BANF2: variants seen among roughly 807,000 people sequenced by gnomAD.
The protein encoded by BANF2 is barrier-to-autointegration factor-like protein.
BANF2 carries 4 observed loss-of-function variants against 8.0 expected under a neutral mutation model. That is an observed-to-expected ratio of 0.50 (90% CI 0.25 to 1.14). BANF2 has a LOEUF of 1.14. Ranked by LOEUF, BANF2 falls within the 50% of genes most tolerant of loss-of-function variation. The pLI is 0.16. For missense variants in BANF2, 96 were observed against 107.5 expected, an observed-to-expected ratio of 0.89 and a Z score of 0.47; for synonymous variants, 50 against 40.6, an observed-to-expected ratio of 1.23 and a Z score of -0.88.
chr20:17,710,744 G>T (rs116546144), intron 1 of BANF2, among the ~76,000 whole-genome samples: 1 of 152,158 alleles, frequency 6.6e-6, no homozygotes, highest in Non-Finnish European at 1.5e-5. Context: ...CTTTAGCTTC[G>T]AGCCTCGTCA....
chr20:17,711,992 T>C (rs1323688397), intron 1 of BANF2, among the ~76,000 whole-genome samples: 2 of 152,210 alleles, frequency 1.3e-5, no homozygotes, highest in African/African-American at 4.8e-5. Context: ...GAGTGATGGC[T>C]GCCAGGTGGG....
At chr20:17,695,584 C>T (rs1014322359), upstream of BANF2, among the ~76,000 whole-genome samples, 7 of 149,648 alleles carry the variant, frequency 4.7e-5, no homozygotes, top group Non-Finnish European at 7.4e-5. Flanking sequence ...CCAGTTTCTT[C>T]CCCTAGAAAA....
intron 3 of BANF2, among the ~76,000 whole-genome samples, chr20:17,725,681 GT>G (rs1266908685): frequency 6.6e-6 from 1 of 152,228 alleles, no homozygotes. Flanking sequence ...GTCATTGTTT[GT>G]TTTTATGGGG....
chr20:17,729,779 A>G (rs1309218870), intron 3 of BANF2, among the ~76,000 whole-genome samples: 1 of 152,222 alleles, frequency 6.6e-6, no homozygotes, highest in African/African-American at 2.4e-5. Context: ...ACATGCCCCA[A>G]GAGTCCACAC....
intron 3 of BANF2, among the ~76,000 whole-genome samples, chr20:17,725,932 G>A (rs746177409): frequency 6.6e-6 from 1 of 152,158 alleles, no homozygotes; most frequent in African/African-American, 2.4e-5. Flanking sequence ...CATGGCTGAC[G>A]ACTAGTTTGG....
chr20:17,730,308 T>C (rs532632874), intron 3 of BANF2, among the ~76,000 whole-genome samples: 24 of 152,296 alleles, frequency 1.6e-4, no homozygotes, highest in African/African-American at 4.6e-4. Flanking sequence ...GAGATGAAAT[T>C]TGAATCTGGG....
intron 3 of BANF2, among the ~76,000 whole-genome samples, chr20:17,726,042 C>T (rs1482916893): frequency 6.6e-6 from 1 of 152,144 alleles, no homozygotes; most frequent in African/African-American, 2.4e-5. Context: ...AATCTGTGAG[C>T]CAGTTTAATG....
At chr20:17,710,855 T>G (rs1372087713) in intron 1 of BANF2, among the ~76,000 whole-genome samples, 1 of 150,598 alleles carries the variant, frequency 6.6e-6, no homozygotes, top group African/African-American at 2.5e-5. Flanking sequence ...TTTGGACCCT[T>G]GCAGTTCCCG....
intron 1 of BANF2, among the ~76,000 whole-genome samples, chr20:17,702,187 G>A (rs760947220): frequency 2.0e-5 from 3 of 152,174 alleles, no homozygotes; most frequent in Non-Finnish European, 4.4e-5. Context: ...TGAGGAAGCA[G>A]GGTCTCCTTT....
intron 1 of BANF2, chr20:17,712,615 C>T (rs1028112068): frequency 2.2e-5 from 19 of 852,114 alleles, no homozygotes; most frequent in Admixed American, 1.9e-4. Flanking sequence ...GAGGGTAGTG[C>T]GGATAATGAG....
chr20:17,721,662 G>A (rs1600223936), intron 1 of BANF2, among the ~76,000 whole-genome samples: 1 of 152,118 alleles, frequency 6.6e-6, no homozygotes. Flanking sequence ...AAAGTGCTGC[G>A]ATTACAGGTG....
chr20:17,731,379 G>A (rs1372042752), intron 3 of BANF2: 1 of 152,172 alleles, frequency 6.6e-6, no homozygotes, highest in Non-Finnish European at 1.5e-5. Context: ...CATGGAGTCT[G>A]GTGGTGATTG....
rs527904642 is a variant in BANF2 at position 17,731,809 on chromosome 20, G to A, written c.127-3856G>A. 2.1e-5 allele frequency among the ~76,000 whole-genome samples: 3 copies of A among 146,052 alleles called. No individual in the cohort carries two copies. The East Asian group carries it at 6.1e-4, about 30-fold the overall frequency. The stretch of plus-strand genomic sequence containing the variant: ...AGGCCAGGCGTGATGGCTCACTCCT[G>A]TAATCCCAGCACTTTGGGAGGCCGA... On this transcript the variant is annotated intron_variant, in intron 3 of 3. Transcript: ENST00000246090.
intron 1 of BANF2, among the ~76,000 whole-genome samples, chr20:17,704,132 C>T (rs1343026920): frequency 1.3e-5 from 2 of 152,186 alleles, no homozygotes; most frequent in Non-Finnish European, 1.5e-5. Flanking sequence ...AGCCATAGGG[C>T]GAGAGCCCAG....
At chr20:17,700,139 C>A in intron 1 of BANF2, 84 bp downstream of exon 1, 1 of 512,704 alleles carries the variant, frequency 2.0e-6, no homozygotes, top group South Asian at 8.6e-5. Context: ...GTCTCATTCT[C>A]ACACAGGTTT....
intron 3 of BANF2, among the ~76,000 whole-genome samples, chr20:17,733,924 A>G (rs894062610): frequency 3.9e-5 from 6 of 152,218 alleles, no homozygotes; most frequent in African/African-American, 1.4e-4. Flanking sequence ...TTACATAACT[A>G]AAAGTAAACA....
At chr20:17,732,438 C>G (rs2037912242) in intron 3 of BANF2, among the ~76,000 whole-genome samples, 2 of 152,252 alleles carry the variant, frequency 1.3e-5, no homozygotes, top group South Asian at 4.1e-4. Context: ...ATAATCTCAG[C>G]TCATGCAATC....
At chr20:17,706,944 C>A (rs2037489909) in intron 1 of BANF2, among the ~76,000 whole-genome samples, 1 of 152,180 alleles carries the variant, frequency 6.6e-6, no homozygotes, top group South Asian at 2.1e-4. Context: ...TAGAGCAGAG[C>A]TAGGGCCAGG....
At chr20:17,726,843 A>C (rs1394015829) in intron 3 of BANF2, among the ~76,000 whole-genome samples, 1 of 152,256 alleles carries the variant, frequency 6.6e-6, no homozygotes, top group African/African-American at 2.4e-5. Flanking sequence ...ATTGACATAC[A>C]TACATTAAAT....
Sources: gnomAD v4.1 joint callset for allele counts (sites outside exome capture counted in the v4.1 genomes callset) on GRCh38, gnomAD v4.1.1 for gene constraint, MANE v1.5 for transcripts, NCBI Gene and HGNC (gene_info 2026-07-23, HGNC 2026-07-21) for gene names.